DDB1: variants seen among roughly 807,000 people sequenced by gnomAD.
DDB1 encodes DNA damage-binding protein 1.
DDB1 carries 18 observed loss-of-function variants against 133.1 expected under a neutral mutation model. That is an observed-to-expected ratio of 0.14 (90% CI 0.09 to 0.20). The LOEUF is 0.20. DDB1 is among the 10% of genes least tolerant of loss of function. The probability of loss-of-function intolerance (pLI) is 1.00; values close to 1 mark genes in which losing one functional copy is unlikely to be tolerated. For synonymous variants in DDB1, 580 were observed against 550.5 expected (o/e 1.05, Z -0.75); for missense variants, 828 against 1,459.2 (o/e 0.57, Z 7.05).
intron 21 of DDB1, among the ~76,000 whole-genome samples, chr11:61,305,558 A>G (rs1855870424): frequency 6.6e-6 from 1 of 152,298 alleles, no homozygotes; most frequent in African/African-American, 2.4e-5. Flanking sequence ...ATCACAGGGT[A>G]AAAGGTACCT....
At chr11:61,330,155 C>A in intron 2 of DDB1, 81 bp from the exon 3 acceptor site, 9 of 1,186,156 alleles carry the variant, frequency 7.6e-6, no homozygotes, top group Non-Finnish European at 9.6e-6. Context: ...ACACCAAATT[C>A]TTTAAGAATT....
chr11:61,318,711 T>C (rs1856129115), intron 10 of DDB1, among the ~76,000 whole-genome samples: 1 of 152,244 alleles, frequency 6.6e-6, no homozygotes, highest in Admixed American at 6.5e-5. Context: ...AAGTGTTTTA[T>C]TTTTATATAG....
chr11:61,302,599 G>A lies in DDB1; in HGVS notation c.3095C>T (p.Thr1032Met), dbSNP rs781714363. Reference protein sequence around the residue: ...TPTQGSVLFGTVNGMIGLVTS... With the variant: ...TPTQGSVLFGMVNGMIGLVTS... The stretch of plus-strand genomic sequence containing the variant: ...GACCTTACCTATCATGCCGTTGACC[G>A]TGCCGAAGAGCACCGAGCCTTGTGT... The change falls in exon 24 of 27, where the codon ACG becomes ATG. Residue 1032 changes from threonine (T) to methionine (M), a missense_variant. Around this residue, in one of 7 missense-constraint regions of DDB1, gnomAD observed 116 missense variants for 221.6 expected, o/e 0.52. Transcript: ENST00000301764. 1.9e-6 allele frequency: 3 copies of A among 1,614,212 alleles called. No individual in the cohort carries two copies. The highest frequency in any genetic ancestry group is 1.7e-5 in the Admixed American group (1 of 60,038).
chr11:61,315,254 A>G (rs1856044382), intron 12 of DDB1: 1 of 152,374 alleles, frequency 6.6e-6, no homozygotes. Flanking sequence ...AATTGTATAG[A>G]AATATATTGT....
rs1856277764 is a variant in DDB1, at chr11:61,326,787, A to G, written c.656T>C (p.Val219Ala). 1 of 1,614,120 alleles carries G rather than the reference A, an allele frequency of 6.2e-7. No individual in the cohort carries two copies. Among genetic ancestry groups the G allele is most frequent in the Non-Finnish European group, 8.5e-7 (1 of 1,179,960 alleles). The change falls in exon 5 of 27, where the codon GTG (valine) becomes GCG (alanine). Residue 219 changes from valine to alanine, a missense_variant. Physicochemically the swap from Val to Ala is moderately conservative, Grantham distance 64 (BLOSUM62 0). Transcript: ENST00000301764. Reference sequence around the variant, plus strand: ...CTAAACCCCCTACCAACCTGCGATCACCATGGAAGCTTCAGCTTCGACATT... The same window carrying G: ...CTAAACCCCCTACCAACCTGCGATCGCCATGGAAGCTTCAGCTTCGACATT... ...QENVEAEASM[V>A]IAVPEPFGGA... is the part of the protein sequence containing the mutation.
intron 9 of DDB1, chr11:61,322,080 C>G (rs568293887): frequency 1.2e-5 from 7 of 576,242 alleles, no homozygotes; most frequent in African/African-American, 5.6e-5. Flanking sequence ...ATATCCCTAT[C>G]TAGGGTACTT....
At chr11:61,311,949 C>T (rs1855980168) in intron 17 of DDB1, 40 bp downstream of exon 17, 6 of 1,613,842 alleles carry the variant, frequency 3.7e-6, no homozygotes, top group Non-Finnish European at 5.1e-6. Flanking sequence ...AAGCACCCTA[C>T]ACCAACCCCC....
intron 10 of DDB1, among the ~76,000 whole-genome samples, chr11:61,317,968 T>C (rs1856119252): frequency 6.6e-6 from 1 of 152,018 alleles, no homozygotes; most frequent in Non-Finnish European, 1.5e-5. Context: ...CTCGATCTCC[T>C]GGGCTCAAGT....
Position 61,324,154 on chromosome 11 carries a change from A to G in DDB1, c.763-17T>C. The stretch of plus-strand genomic sequence containing the variant: ...CGTGCTTTGCTGCCAATTGGAAGGA[A>G]ACAGTCATTAGAGATTCAGCATCTT... On this transcript the variant is annotated splice_polypyrimidine_tract_variant and intron_variant, in intron 6 of 26. Transcript: ENST00000301764. 2 of 1,613,888 alleles carry G rather than the reference A, an allele frequency of 1.2e-6. No homozygotes were observed. The highest frequency in any genetic ancestry group is 1.7e-6 in the Non-Finnish European group (2 of 1,179,928).
chr11:61,313,698 T>C lies in DDB1; in HGVS notation c.1870A>G (p.Ser624Gly). 6.2e-7 allele frequency: 1 copy of C among 1,609,746 alleles called. No individual in the cohort carries two copies. The highest frequency in any genetic ancestry group is 2.2e-5 in the East Asian group (1 of 44,824). ...FGLNIETGLL[S>G]DRKKVTLGTQ... ...CCCAAAGTCACCTTCTTACGGTCGC[T>C]CAACAGACCTACAGAGAGAATGACA... is the stretch of plus-strand genomic sequence containing the variant. The change falls in exon 16 of 27, where the codon AGC (serine) becomes GGC (glycine). Residue 624 changes from serine to glycine, a missense_variant. Around this residue, in one of 7 missense-constraint regions of DDB1, gnomAD observed 396 missense variants for 554.1 expected, o/e 0.71. Transcript: ENST00000301764.
intron 18 of DDB1, chr11:61,311,028 C>G (rs1204093560): frequency 1.3e-5 from 2 of 152,256 alleles, no homozygotes; most frequent in African/African-American, 4.8e-5. Flanking sequence ...CCGAGGCAGG[C>G]AGATCACAAG....
At chr11:61,331,342 G>A (rs1032462637) in intron 2 of DDB1, among the ~76,000 whole-genome samples, 4 of 152,042 alleles carry the variant, frequency 2.6e-5, no homozygotes, top group Non-Finnish European at 5.9e-5. Context: ...GCCCAAGCAC[G>A]GTGGCATGCC....
chr11:61,315,762 G>A (rs1856052587), intron 12 of DDB1: 1 of 152,852 alleles, frequency 6.5e-6, no homozygotes, highest in South Asian at 2.1e-4. Context: ...ATGCCAGAAG[G>A]CTATCTGCCC....
chr11:61,314,500 A>G lies in DDB1; in HGVS notation c.1411-14T>C, dbSNP rs1318815075. 6.2e-7 allele frequency: 1 copy of G among 1,600,592 alleles called. No individual in the cohort carries two copies. On this transcript the variant is annotated splice_polypyrimidine_tract_variant and intron_variant, in intron 12 of 26. Transcript: ENST00000301764. ...TGCTGAAGTGATCTAGATAAACAGCAGATGAACAAATGTCTCCAAGCATCT... is the reference window on the plus strand; with the variant it reads ...TGCTGAAGTGATCTAGATAAACAGCGGATGAACAAATGTCTCCAAGCATCT...
intron 10 of DDB1, among the ~76,000 whole-genome samples, chr11:61,319,947 A>G (rs575995131): frequency 6.6e-6 from 1 of 152,216 alleles, no homozygotes; most frequent in East Asian, 1.9e-4. Context: ...TTTTCCTTGT[A>G]TAGGTTTTGC....
intron 14 of DDB1, 26 bp from the exon 15 acceptor site, chr11:61,313,995 C>G: frequency 6.2e-7 from 1 of 1,614,124 alleles, no homozygotes; most frequent in Non-Finnish European, 8.5e-7. Flanking sequence ...ACATTATGTT[C>G]TTGTTCCACA....
intron 6 of DDB1, among the ~76,000 whole-genome samples, chr11:61,325,320 T>G (rs1288540335): frequency 1.3e-5 from 2 of 152,176 alleles, no homozygotes; most frequent in Admixed American, 6.5e-5. Context: ...CTCTCCAGCC[T>G]GAGCGACAGA....
chr11:61,318,719 T>A (rs1357984314), intron 10 of DDB1, among the ~76,000 whole-genome samples: 1 of 152,220 alleles, frequency 6.6e-6, no homozygotes, highest in Non-Finnish European at 1.5e-5. Context: ...TATTTTTATA[T>A]AGTTGGAATT....
At chr11:61,321,998 A>G (rs1210397888) in intron 9 of DDB1, 1 of 534,468 alleles carries the variant, frequency 1.9e-6, no homozygotes, top group Non-Finnish European at 3.3e-6. Flanking sequence ...GCCACTTATT[A>G]AGTTAGGTGA....
Sources: allele counts gnomAD v4.1 joint callset (sites outside exome capture counted in the v4.1 genomes callset), GRCh38; gene constraint gnomAD v4.1.1; regional missense constraint gnomAD v4.1.1; transcripts MANE v1.5; gene names NCBI Gene and HGNC (gene_info 2026-07-23, HGNC 2026-07-21).